ASIC2: variants seen among roughly 807,000 people sequenced by gnomAD.
ASIC2 encodes the protein acid sensing ion channel subunit 2.
ASIC2 carries 25 observed loss-of-function variants against 57.3 expected under a neutral mutation model. The observed-to-expected ratio is 0.44, with a 90% CI of 0.32 to 0.61. The LOEUF (loss-of-function observed/expected upper bound fraction) is 0.61. Among genes scored for constraint, ASIC2 ranks in the 20% least tolerant of loss-of-function variants. The pLI is 0.06. For missense variants in ASIC2, 641 were observed against 738.1 expected, an observed-to-expected ratio of 0.87 and a Z score of 1.52; for synonymous variants, 319 against 307.5, an observed-to-expected ratio of 1.04 and a Z score of -0.39.
In ASIC2 at chr17:33,156,742, C is replaced by A. The variant is rs552853952; in HGVS notation, c.709-44675G>T. Among the ~76,000 whole-genome samples the A allele has an allele frequency of 1.3e-4, 19 of 151,956 alleles. 1 individual carries two copies. The highest frequency in any genetic ancestry group is 1.2e-3 in the Admixed American group (18 of 15,270). ...CTGCACTCCAGCCTGGGCGACAGAG[C>A]GAGACTCCATTTCAAAAAAAACAAA... is the stretch of plus-strand genomic sequence containing the variant. On this transcript the variant is annotated intron_variant, in intron 1 of 9. Transcript: ENST00000225823.
rs976691808 is a variant in ASIC2 at position 33,720,846 on chromosome 17, A to C, written c.555+435132T>G. Among the ~76,000 whole-genome samples the C allele has an allele frequency of 4.6e-5, 7 of 152,184 alleles. 1 individual carries two copies. Among genetic ancestry groups the C allele is most frequent in the African/African-American group, 1.7e-4 (7 of 41,452 alleles). ...TTGCTTGGATCGTTGTCTGTAATTC[A>C]TCATACTGCAGAAAGGGAAGGTGTT... is the stretch of plus-strand genomic sequence containing the variant. On this transcript the variant is annotated intron_variant, in intron 1 of 9. Transcript: ENST00000359872.
At chr17:33,852,642 G>A (rs1913802722) in intron 1 of ASIC2, among the ~76,000 whole-genome samples, 1 of 151,192 alleles carries the variant, frequency 6.6e-6, no homozygotes, top group Admixed American at 6.6e-5. Context: ...TTGAGCTGAG[G>A]GCTGTCTGAT....
At chr17:34,033,845 G>A (rs1025863655) in intron 1 of ASIC2, among the ~76,000 whole-genome samples, 4 of 152,072 alleles carry the variant, frequency 2.6e-5, no homozygotes, top group Non-Finnish European at 5.9e-5. Context: ...CCAATCACAG[G>A]CTCTCAAATT....
intron 3 of ASIC2, among the ~76,000 whole-genome samples, chr17:33,068,468 G>T (rs971920801): frequency 1.3e-5 from 2 of 152,294 alleles, no homozygotes; most frequent in East Asian, 1.9e-4. Context: ...GGGAGGCAGA[G>T]GTTGCAGTAA....
chr17:33,437,041 A>G (rs1303386699), intron 1 of ASIC2, among the ~76,000 whole-genome samples: 1 of 148,072 alleles, frequency 6.8e-6, no homozygotes, highest in Non-Finnish European at 1.5e-5. Context: ...AATTTTTTGT[A>G]TTTTTAGTAG....
chr17:33,422,298 T>G (rs529303309), intron 1 of ASIC2, among the ~76,000 whole-genome samples: 1 of 152,366 alleles, frequency 6.6e-6, no homozygotes, highest in Non-Finnish European at 1.5e-5. Flanking sequence ...GGCTCCCAGA[T>G]GCTGGCAGAA....
chr17:33,526,526 T>C (rs972761233), intron 1 of ASIC2, among the ~76,000 whole-genome samples: 1 of 152,170 alleles, frequency 6.6e-6, no homozygotes, highest in Non-Finnish European at 1.5e-5. Context: ...TCTTTGGGGC[T>C]TTCTCTCCAC....
intron 2 of ASIC2, among the ~76,000 whole-genome samples, chr17:33,093,265 G>A (rs933293824): frequency 3.9e-5 from 6 of 152,122 alleles, no homozygotes; most frequent in African/African-American, 1.4e-4. Context: ...CTGTGTGACC[G>A]CCCTGATAGT....
At chr17:34,011,821 C>A (rs1258994269) in intron 1 of ASIC2, among the ~76,000 whole-genome samples, 1 of 152,206 alleles carries the variant, frequency 6.6e-6, no homozygotes, top group Non-Finnish European at 1.5e-5. Flanking sequence ...CACCCCACTC[C>A]CCGCCCCTTC....
upstream of ASIC2, among the ~76,000 whole-genome samples, chr17:33,297,089 A>C (rs538773960): frequency 6.6e-5 from 10 of 152,356 alleles, no homozygotes; most frequent in Admixed American, 1.3e-4. Context: ...TTTCTTTCAC[A>C]TGGAAACTCT....
At chr17:33,851,631 T>C (rs1204526851) in intron 1 of ASIC2, among the ~76,000 whole-genome samples, 2 of 152,232 alleles carry the variant, frequency 1.3e-5, no homozygotes, top group South Asian at 2.1e-4. Flanking sequence ...ATCTCAGCAC[T>C]CTTGATACTT....
chr17:33,747,403 TG>T (rs1222379175), intron 1 of ASIC2, among the ~76,000 whole-genome samples: 1 of 151,988 alleles, frequency 6.6e-6, no homozygotes, highest in African/African-American at 2.4e-5. Flanking sequence ...TTTGTATTTT[TG>T]GTAGAGATGG....
At chr17:33,056,754 T>C (rs955273984) in intron 3 of ASIC2, among the ~76,000 whole-genome samples, 7 of 152,204 alleles carry the variant, frequency 4.6e-5, no homozygotes, top group Non-Finnish European at 7.3e-5. Context: ...CCCATTGAAC[T>C]GGTGTCTTCA....
intron 1 of ASIC2, among the ~76,000 whole-genome samples, chr17:33,235,228 G>C (rs111756865): frequency 1.3e-5 from 2 of 152,124 alleles, no homozygotes; most frequent in Non-Finnish European, 2.9e-5. Context: ...ACCAAACTAG[G>C]TCAGTGTGCA....
intron 1 of ASIC2, among the ~76,000 whole-genome samples, chr17:33,798,105 A>C (rs148850937): frequency 1.1e-3 from 171 of 152,288 alleles, no homozygotes; most frequent in African/African-American, 3.8e-3. Context: ...AGGGAAGAAA[A>C]TGAAGTGGGA....
intron 1 of ASIC2, among the ~76,000 whole-genome samples, chr17:33,915,396 T>G (rs1335406014): frequency 3.3e-5 from 5 of 152,216 alleles, no homozygotes; most frequent in African/African-American, 1.2e-4. Flanking sequence ...TTGGTTCTCT[T>G]GGAAAGTGAG....
intron 1 of ASIC2, among the ~76,000 whole-genome samples, chr17:34,095,751 A>C (rs1181285660): frequency 6.8e-6 from 1 of 146,204 alleles, no homozygotes; most frequent in Non-Finnish European, 1.5e-5. Context: ...TTATATATAT[A>C]TATATAGTTT....
intron 1 of ASIC2, among the ~76,000 whole-genome samples, chr17:33,525,996 A>G (rs112219066): frequency 2.0e-5 from 3 of 152,286 alleles, no homozygotes; most frequent in Middle Eastern, 6.8e-3. Flanking sequence ...CACTTCACAG[A>G]TACAAATCTC....
intron 1 of ASIC2, among the ~76,000 whole-genome samples, chr17:33,745,485 G>A (rs2074242329): frequency 7.0e-6 from 1 of 143,258 alleles, no homozygotes. Flanking sequence ...TCCACACCCA[G>A]ATACAGTAAA....
Sources: allele counts gnomAD v4.1 joint callset (sites outside exome capture counted in the v4.1 genomes callset), GRCh38; gene constraint gnomAD v4.1.1; transcripts MANE v1.5; gene names NCBI Gene and HGNC (gene_info 2026-07-23, HGNC 2026-07-21).